Variants in ADGRL3 observed in about 807,000 individuals in gnomAD.
The protein encoded by ADGRL3 is adhesion G protein-coupled receptor L3, also known as calcium-independent alpha-latrotoxin receptor 3.
In ADGRL3, 62 loss-of-function variants were observed where a neutral mutation model predicts 153.5. The ratio of observed to expected loss-of-function variants is 0.40; its 90% CI spans 0.33 to 0.50. ADGRL3 has a LOEUF of 0.50. Ranked by LOEUF, ADGRL3 falls within the 20% of genes least tolerant of loss-of-function variation. The pLI, the probability that ADGRL3 is intolerant of heterozygous loss-of-function variation, is 0.47. For synonymous variants in ADGRL3, 710 were observed against 672.5 expected, an observed-to-expected ratio of 1.06 and a Z score of -0.86; for missense variants, 1,641 against 1,859.4, an observed-to-expected ratio of 0.88 and a Z score of 2.16.
chr4:61,727,193 G>C (rs2096363778), intron 6 of ADGRL3, among the ~76,000 whole-genome samples: 1 of 151,936 alleles, frequency 6.6e-6, no homozygotes, highest in Non-Finnish European at 1.5e-5. Context: ...GAAATATAGA[G>C]GAAAATTTAC....
chr4:61,694,179 ATTTTTTTTTTTTTTTTTT>A (rs554084495), intron 6 of ADGRL3, among the ~76,000 whole-genome samples: 5 of 26,672 alleles, frequency 1.9e-4, no homozygotes, highest in Non-Finnish European at 2.8e-4. Context: ...TTTTGTCATT[ATTTTTTTTTTTTTTTTTT>A]TTTTTTTTTT....
intron 2 of ADGRL3, among the ~76,000 whole-genome samples, chr4:61,409,905 T>A (rs904280490): frequency 2.6e-5 from 4 of 152,006 alleles, no homozygotes; most frequent in African/African-American, 9.7e-5. Flanking sequence ...ACTTAAGGGA[T>A]CACAGAATGG....
At chr4:61,777,093 G>A (rs1000958658) in intron 8 of ADGRL3, among the ~76,000 whole-genome samples, 5 of 152,148 alleles carry the variant, frequency 3.3e-5, no homozygotes, top group Non-Finnish European at 5.9e-5. Context: ...CCAGCACTTT[G>A]GGAGGCCGAG....
At chr4:61,936,257 A>G (rs1266516014) in intron 15 of ADGRL3, among the ~76,000 whole-genome samples, 1 of 152,136 alleles carries the variant, frequency 6.6e-6, no homozygotes, top group Non-Finnish European at 1.5e-5. Context: ...CAGATTTGGA[A>G]ATTGTTCCAT....
intron 2 of ADGRL3, among the ~76,000 whole-genome samples, chr4:61,409,338 A>G (rs2097053166): frequency 8.7e-6 from 1 of 114,664 alleles, no homozygotes; most frequent in Non-Finnish European, 1.8e-5. Flanking sequence ...TATATTAGAC[A>G]TATATAATAG....
intron 9 of ADGRL3, among the ~76,000 whole-genome samples, chr4:61,890,282 A>G (rs1715336795): frequency 6.6e-6 from 1 of 152,256 alleles, no homozygotes; most frequent in African/African-American, 2.4e-5. Flanking sequence ...CATTATTTGA[A>G]TTAAAGGAGT....
intron 2 of ADGRL3, among the ~76,000 whole-genome samples, chr4:61,462,688 A>T (rs2097837515): frequency 6.6e-6 from 1 of 152,188 alleles, no homozygotes; most frequent in African/African-American, 2.4e-5. Context: ...ACAGAAAGAG[A>T]AGACTTATGA....
chr4:61,745,124 GATGAA>G (rs1236508085), intron 8 of ADGRL3, among the ~76,000 whole-genome samples: 3 of 152,164 alleles, frequency 2.0e-5, no homozygotes, highest in Middle Eastern at 3.2e-3. Flanking sequence ...AGTGATGGAA[GATGAA>G]ATGAATGAAC....
At chr4:61,639,096 G>A (rs1246572213) in intron 5 of ADGRL3, among the ~76,000 whole-genome samples, 1 of 152,108 alleles carries the variant, frequency 6.6e-6, no homozygotes, top group East Asian at 1.9e-4. Flanking sequence ...AGACAATAGT[G>A]AGGTTATTTC....
chr4:61,893,986 C>T (rs1270967449), intron 10 of ADGRL3, among the ~76,000 whole-genome samples: 1 of 152,134 alleles, frequency 6.6e-6, no homozygotes, highest in Non-Finnish European at 1.5e-5. Flanking sequence ...TCTGGGAGTA[C>T]AGGCATAAGC....
chr4:61,276,342 T>C (rs1235974233), intron 1 of ADGRL3, among the ~76,000 whole-genome samples: 1 of 152,206 alleles, frequency 6.6e-6, no homozygotes, highest in Non-Finnish European at 1.5e-5. Context: ...CTTGGGTTTT[T>C]ATGTGTAATG....
intron 1 of ADGRL3, among the ~76,000 whole-genome samples, chr4:61,242,590 T>C (rs763389581): frequency 1.3e-5 from 2 of 152,024 alleles, no homozygotes; most frequent in Non-Finnish European, 2.9e-5. Flanking sequence ...AACCAGTCTT[T>C]GGGTATATCA....
chr4:61,367,436 G>A (rs1578460655), intron 1 of ADGRL3, among the ~76,000 whole-genome samples: 2 of 149,234 alleles, frequency 1.3e-5, no homozygotes, highest in South Asian at 4.3e-4. Context: ...CCCTTCCTGT[G>A]TCCATGTGTT....
At chr4:61,769,487 G>A (rs1049458247) in intron 8 of ADGRL3, among the ~76,000 whole-genome samples, 16 of 104,560 alleles carry the variant, frequency 1.5e-4, no homozygotes, top group African/African-American at 6.6e-4. Flanking sequence ...AGAGCAGGAG[G>A]ACAGGGGATT....
chr4:61,860,389 A>T (rs1327503085), intron 9 of ADGRL3, among the ~76,000 whole-genome samples: 1 of 152,104 alleles, frequency 6.6e-6, no homozygotes, highest in Admixed American at 6.5e-5. Flanking sequence ...TCCAAAATCA[A>T]ATTATCAGAG....
chr4:62,071,150 A>G lies in ADGRL3; in HGVS notation c.*242A>G. ...CTTGTCCTTTCCCCTTCAGATGGAG[A>G]CTTCATTATGTTAATGAACAAGATA... On this transcript the variant is annotated 3_prime_UTR_variant, in exon 27 of 27. Coordinates refer to ENST00000683033, the MANE Select transcript of ADGRL3 (RefSeq NM_001387552.1). The G allele has an allele frequency of 2.4e-6, 1 of 416,838 alleles. No individual in the cohort carries two copies. The highest frequency in any genetic ancestry group is 4.3e-6 in the Non-Finnish European group (1 of 234,256). The allele number at this position is 416,838 out of a possible 1,614,324, so 25.8% of individuals were successfully genotyped here.
intron 9 of ADGRL3, 115 bp from the exon 10 acceptor site, chr4:61,892,541 A>G (rs1394622690): frequency 1.3e-5 from 10 of 741,296 alleles, no homozygotes; most frequent in Non-Finnish European, 2.3e-5. Context: ...GAAGACTTCT[A>G]GAGCTTTAAA....
intron 5 of ADGRL3, among the ~76,000 whole-genome samples, chr4:61,621,038 TTTG>T (rs2092473983): frequency 1.3e-5 from 2 of 152,306 alleles, no homozygotes; most frequent in African/African-American, 2.4e-5. Flanking sequence ...TTGTTTTTTA[TTTG>T]TTGTTTTGTT....
In ADGRL3 at chr4:61,616,074, A is replaced by G. The variant is rs553256619; in HGVS notation, c.473+28634A>G. ...ATTGAACATTATGAGGAAATTAGAC[A>G]GACAGACAATAGTCCAAAAGATATT... On this transcript the variant is annotated intron_variant, in intron 5 of 26. Transcript: ENST00000683033. Among the ~76,000 whole-genome samples, 225 of 152,308 alleles carry G rather than the reference A, an allele frequency of 1.5e-3. 7 individuals carry two copies. In the South Asian group the frequency reaches 0.037, roughly 25 times the overall value.
Sources: gnomAD v4.1 joint callset for allele counts (sites outside exome capture counted in the v4.1 genomes callset) on GRCh38, gnomAD v4.1.1 for gene constraint, MANE v1.5 for transcripts, NCBI Gene and HGNC (gene_info 2026-07-23, HGNC 2026-07-21) for gene names.